The following BSN variants were observed in gnomAD, a reference collection of about 807,000 sequenced individuals.
BSN encodes the protein protein bassoon.
A neutral mutation model predicts 264.8 loss-of-function variants in BSN; 57 were observed. The observed-to-expected ratio is 0.22, with a 90% confidence interval of 0.17 to 0.27. The LOEUF is 0.27. Ranked by LOEUF, BSN falls within the 10% of genes least tolerant of loss-of-function variation. BSN has a pLI of 1.00. For synonymous variants in BSN, 2,059 were observed against 2,137.3 expected, an observed-to-expected ratio of 0.96 and a Z score of 1.01; for missense variants, 4,615 against 5,232.5, an observed-to-expected ratio of 0.88 and a Z score of 3.64.
chr3:49,603,501 G>A (rs572683010), intron 1 of BSN, among the ~76,000 whole-genome samples: 1 of 152,290 alleles, frequency 6.6e-6, no homozygotes, highest in East Asian at 1.9e-4. Context: ...GCAAATGACT[G>A]GAGCTTTGTC....
intron 1 of BSN, among the ~76,000 whole-genome samples, chr3:49,604,785 C>G (rs1002612221): frequency 3.3e-5 from 5 of 151,944 alleles, no homozygotes; most frequent in Non-Finnish European, 7.4e-5. Flanking sequence ...ATTTCCCAGG[C>G]CTCCCACACC....
intron 1 of BSN, among the ~76,000 whole-genome samples, chr3:49,597,941 C>G (rs1351531510): frequency 6.6e-6 from 1 of 152,204 alleles, no homozygotes; most frequent in Non-Finnish European, 1.5e-5. Context: ...CCACGCCCAG[C>G]CTCATTATTG....
intron 2 of BSN, among the ~76,000 whole-genome samples, chr3:49,639,016 C>T (rs2052440719): frequency 2.0e-5 from 3 of 152,082 alleles, no homozygotes; most frequent in Admixed American, 2.0e-4. Flanking sequence ...CAGGGTCCCT[C>T]TCTGGATGAG....
At chr3:49,607,297 G>C (rs1193705120) in intron 1 of BSN, among the ~76,000 whole-genome samples, 1 of 152,200 alleles carries the variant, frequency 6.6e-6, no homozygotes, top group Non-Finnish European at 1.5e-5. Context: ...GTTTTTCTCA[G>C]TGCCTACTGG....
chr3:49,666,255 C>A (rs1480335553), intron 11 of BSN, among the ~76,000 whole-genome samples: 2 of 152,210 alleles, frequency 1.3e-5, no homozygotes, highest in Non-Finnish European at 2.9e-5. Flanking sequence ...TGGGCCCGGG[C>A]CAGCACTGGT....
At chr3:49,614,988 A>G (rs1386447536) in intron 1 of BSN, among the ~76,000 whole-genome samples, 1 of 152,070 alleles carries the variant, frequency 6.6e-6, no homozygotes, top group Non-Finnish European at 1.5e-5. Context: ...TGATGCTGGC[A>G]GCTTCTTCTA....
At chr3:49,582,805 A>G (rs2051904508) in intron 1 of BSN, among the ~76,000 whole-genome samples, 1 of 152,100 alleles carries the variant, frequency 6.6e-6, no homozygotes, top group Non-Finnish European at 1.5e-5. Flanking sequence ...TCCTTATCAT[A>G]TTGAGAAAGT....
intron 10 of BSN, 31 bp downstream of exon 10, chr3:49,664,884 T>C: frequency 6.5e-7 from 1 of 1,536,910 alleles, no homozygotes; most frequent in Non-Finnish European, 8.9e-7. Flanking sequence ...CCTTGCCTCT[T>C]CTGGGAAAGG....
rs765900699 is a variant in BSN, at chr3:49,663,135, TGAG to T, written c.10981_10983del (p.Glu3661del). ...GGCGGCACTCAGGCCGCCACACTGG[TGAG>T]GAGCCGGGACGGCGTGCTGCCAAAC... On this transcript the variant is annotated inframe_deletion, in exon 7 of 12. Transcript: ENST00000296452. 4 of 1,612,346 alleles carry T rather than the reference TGAG, an allele frequency of 2.5e-6. No homozygotes were observed. The highest frequency in any genetic ancestry group is 1.7e-4 in the Middle Eastern group (1 of 6,054).
rs1292349544 is a variant in BSN, at chr3:49,654,194, G to A, written c.4638G>A (p.Val1546=). 1 of 1,614,000 alleles carries A rather than the reference G, an allele frequency of 6.2e-7. No homozygotes were observed. The highest frequency in any genetic ancestry group is 1.1e-5 in the South Asian group (1 of 91,076). The part of the protein sequence containing the change: ...TPHRPSTPRL[V]WQESSQEAPF... ...ATCGACCCAGCACGCCTCGCCTGGT[G>A]TGGCAGGAGTCCTCTCAAGAGGCTC... The change falls in exon 5 of 12, where the codon GTG becomes GTA. Residue 1546 remains valine, a synonymous_variant. Transcript: ENST00000296452. The surrounding 1 kb of genome is among the most constrained non-coding windows in gnomAD (Gnocchi z 4.1).
chr3:49,652,816 G>T lies in BSN; in HGVS notation c.3260G>T (p.Arg1087Leu), dbSNP rs200987266. Residue 1087 changes from arginine (R) to leucine (L), a missense_variant, in exon 5 of 12, where the codon CGA (arginine) becomes CTA (leucine). Physicochemically the swap from Arg to Leu is moderately radical, Grantham distance 102 (BLOSUM62 -2). Coordinates refer to ENST00000296452, the MANE Select transcript of BSN (RefSeq NM_003458.4). ...DKEELRAQRR[R>L]ERSKTPPSNL... The stretch of plus-strand genomic sequence containing the variant: ...GAAGAACTGCGGGCCCAGCGGAGGC[G>T]AGAGCGCTCCAAGACACCACCCAGT... The T allele has an allele frequency of 6.4e-7, 1 of 1,568,914 alleles. No individual in the cohort carries two copies. The highest frequency in any genetic ancestry group is 2.3e-5 in the East Asian group (1 of 44,404).
intron 1 of BSN, among the ~76,000 whole-genome samples, chr3:49,608,291 G>T (rs1445521919): frequency 6.6e-6 from 1 of 152,164 alleles, no homozygotes; most frequent in East Asian, 1.9e-4. Flanking sequence ...TGGCAAGAAA[G>T]GAAAACAGAC....
rs938327012 is a variant in BSN at position 49,669,631 on chromosome 3, G to T, written c.*2146G>T. 8 of 152,346 alleles carry T rather than the reference G, an allele frequency of 5.3e-5. No individual in the cohort carries two copies. Among genetic ancestry groups the T allele is most frequent in the African/African-American group, 1.9e-4 (8 of 41,446 alleles). The allele number at this position is 152,346 out of a possible 1,614,324, so 9.4% of individuals were successfully genotyped here. A position where few individuals can be genotyped will look rare whatever the true frequency, so the allele number is the denominator to read the frequency against. On this transcript the variant is annotated 3_prime_UTR_variant, in exon 12 of 12. Coordinates refer to ENST00000296452, the MANE Select transcript of BSN (RefSeq NM_003458.4). ...AAAGGACTGTGAGCCAGGAGATCTG[G>T]GCTGGAGCTAGGGGGTCAATGGATG...
At chr3:49,624,028 T>G (rs1026774786) in intron 1 of BSN, among the ~76,000 whole-genome samples, 3 of 152,140 alleles carry the variant, frequency 2.0e-5, no homozygotes, top group African/African-American at 7.2e-5. Flanking sequence ...TGAAATGGAG[T>G]CTCGCTCTGT....
At chr3:49,614,208 C>A (rs185967148) in intron 1 of BSN, among the ~76,000 whole-genome samples, 3 of 152,030 alleles carry the variant, frequency 2.0e-5, no homozygotes, top group Admixed American at 2.0e-4. Flanking sequence ...TACAGATGCC[C>A]GCCACCACGC....
intron 1 of BSN, among the ~76,000 whole-genome samples, chr3:49,564,916 G>C (rs527543733): frequency 6.6e-6 from 1 of 151,916 alleles, no homozygotes; most frequent in Admixed American, 6.6e-5. Flanking sequence ...ATTGGCCTTT[G>C]GCTCTGTAGG....
In BSN at chr3:49,625,716, A is replaced by G. The variant is rs2052337757; in HGVS notation, c.633+333A>G. 6.6e-6 allele frequency among the ~76,000 whole-genome samples: 1 copy of G among 152,120 alleles called. No homozygotes were observed. The highest frequency in any genetic ancestry group is 2.1e-4 in the South Asian group (1 of 4,830). ...CTTATGAACAATTTTTCCCAATGGA[A>G]CTCATTTGGAGTGGGCCATGAGCAG... On this transcript the variant is annotated intron_variant, in intron 2 of 11. Transcript: ENST00000296452. The surrounding 1 kb of genome is among the most constrained non-coding windows in gnomAD (Gnocchi z 4.4).
intron 1 of BSN, among the ~76,000 whole-genome samples, chr3:49,606,248 T>TATAA (rs1559603663): frequency 3.6e-3 from 43 of 11,952 alleles, no homozygotes; most frequent in Non-Finnish European, 5.0e-3. Context: ...TATGTATATA[T>TATAA]TATATATAAA....
chr3:49,631,235 G>A (rs1163189831), intron 2 of BSN, among the ~76,000 whole-genome samples: 1 of 151,856 alleles, frequency 6.6e-6, no homozygotes, highest in Non-Finnish European at 1.5e-5. Flanking sequence ...GCTATGGCGG[G>A]TGCTGTTGGT....
Sources: allele counts gnomAD v4.1 joint callset (sites outside exome capture counted in the v4.1 genomes callset), GRCh38; gene constraint gnomAD v4.1.1; non-coding constraint Gnocchi (gnomAD v3.1); transcripts MANE v1.5; gene names NCBI Gene and HGNC (gene_info 2026-07-23, HGNC 2026-07-21).